The following RBFOX1 variants were observed in gnomAD, a reference collection of about 807,000 sequenced individuals.
RBFOX1 encodes the protein RNA binding fox-1 homolog 1.
RBFOX1 carries 8 observed loss-of-function variants against 57.7 expected under a neutral mutation model. The ratio of observed to expected loss-of-function variants is 0.14; its 90% CI spans 0.08 to 0.25. The LOEUF is 0.25. Ranked by LOEUF, RBFOX1 falls within the 10% of genes least tolerant of loss-of-function variation. The pLI, the probability that RBFOX1 is intolerant of heterozygous loss-of-function variation, is 1.00. For synonymous variants in RBFOX1, 326 were observed against 222.4 expected, an observed-to-expected ratio of 1.47 and a Z score of -4.15; for missense variants, 611 against 548.5, an observed-to-expected ratio of 1.11 and a Z score of -1.14.
chr16:7,664,545 T>G (rs926609483), intron 12 of RBFOX1, among the ~76,000 whole-genome samples: 8 of 152,200 alleles, frequency 5.3e-5, no homozygotes, highest in African/African-American at 1.9e-4. Flanking sequence ...GTTTTTATTC[T>G]GTGGGGTAGG....
At chr16:6,974,932 A>G (rs967492318) in intron 3 of RBFOX1, among the ~76,000 whole-genome samples, 1 of 152,076 alleles carries the variant, frequency 6.6e-6, no homozygotes, top group Non-Finnish European at 1.5e-5. Context: ...CCTCTTTTAA[A>G]ACACTTTTTT....
chr16:7,315,913 A>G (rs986417198), intron 4 of RBFOX1, among the ~76,000 whole-genome samples: 2 of 152,148 alleles, frequency 1.3e-5, no homozygotes, highest in Non-Finnish European at 2.9e-5. Flanking sequence ...TTACTAAACA[A>G]TCTATTTTTC....
rs1287419493 is a variant in RBFOX1, at chr16:7,710,818, G to A, written c.*73G>A. 14 of 1,254,126 alleles carry A rather than the reference G, an allele frequency of 1.1e-5. No individual in the cohort carries two copies. In the Admixed American group the frequency reaches 1.2e-4, roughly 11 times the overall value. 77.7% of individuals were successfully genotyped at this position (1,254,126 alleles called of 1,614,324 possible). On this transcript the variant is annotated 3_prime_UTR_variant, in exon 16 of 16. Transcript: ENST00000550418. The stretch of plus-strand genomic sequence containing the variant: ...CCGAGGCCTGAGTATTGCAATACAT[G>A]CAGTAGTACATCATTTTAGCAACTC...
At chr16:5,850,798 C>T (rs1310763619) in intron 3 of RBFOX1, among the ~76,000 whole-genome samples, 4 of 152,310 alleles carry the variant, frequency 2.6e-5, no homozygotes, top group African/African-American at 7.2e-5. Flanking sequence ...CTTGCCATCT[C>T]GAAAGGGCCC....
chr16:5,686,555 T>C lies in RBFOX1; in HGVS notation c.318+87594T>C, dbSNP rs74004493. 9.0e-4 allele frequency among the ~76,000 whole-genome samples: 137 copies of C among 152,238 alleles called. 1 individual carries two copies. Among genetic ancestry groups the C allele is most frequent in the African/African-American group, 3.1e-3 (130 of 41,538 alleles). On this transcript the variant is annotated intron_variant, in intron 3 of 19. Coordinates refer to the RBFOX1 transcript ENST00000641259. ...AGGGATTTCTACTTAATCGTGGGTC[T>C]TCTTTCTTGACTTCTGATTATTCAC...
chr16:7,448,498 C>G (rs1424500815), intron 4 of RBFOX1, among the ~76,000 whole-genome samples: 1 of 152,170 alleles, frequency 6.6e-6, no homozygotes, highest in Non-Finnish European at 1.5e-5. Flanking sequence ...CATCAGCTCT[C>G]ATAAGACTAA....
At chr16:6,422,035 C>A (rs111768931) in intron 2 of RBFOX1, among the ~76,000 whole-genome samples, 1,414 of 128,060 alleles carry the variant, frequency 0.011, 14 homozygotes, top group Middle Eastern at 0.015. Context: ...ATTCTCCTGC[C>A]TCAGCCTCCC....
At chr16:7,119,299 G>A (rs192991984) in intron 4 of RBFOX1, among the ~76,000 whole-genome samples, 10 of 152,056 alleles carry the variant, frequency 6.6e-5, no homozygotes, top group Admixed American at 1.3e-4. Context: ...ACTATCCTCA[G>A]GTTTCCCTAT....
chr16:6,630,259 C>T (rs2098367539), intron 2 of RBFOX1, among the ~76,000 whole-genome samples: 1 of 152,096 alleles, frequency 6.6e-6, no homozygotes, highest in African/African-American at 2.4e-5. Flanking sequence ...CTTCTCCTGC[C>T]TTTTTCTCTT....
intron 4 of RBFOX1, among the ~76,000 whole-genome samples, chr16:7,161,191 G>A (rs1364908714): frequency 1.3e-5 from 2 of 152,106 alleles, no homozygotes; most frequent in African/African-American, 2.4e-5. Context: ...ATCTGCAGCA[G>A]GACTATGTGG....
chr16:7,080,065 ATATACATATATACATATGTATATATG>A (rs2058949009), intron 4 of RBFOX1, among the ~76,000 whole-genome samples: 2 of 138,826 alleles, frequency 1.4e-5, no homozygotes, highest in African/African-American at 5.7e-5. Flanking sequence ...CATATTATAT[ATATACATATATACATATGTATATATG>A]TATATATATA....
intron 2 of RBFOX1, among the ~76,000 whole-genome samples, chr16:6,436,706 A>G (rs568904304): frequency 6.6e-6 from 1 of 152,210 alleles, no homozygotes; most frequent in South Asian, 2.1e-4. Flanking sequence ...ACATAAGGAA[A>G]GCCATGATAA....
At chr16:5,470,990 G>A (rs767477758) in intron 2 of RBFOX1, among the ~76,000 whole-genome samples, 5 of 152,064 alleles carry the variant, frequency 3.3e-5, no homozygotes, top group Admixed American at 6.5e-5. Flanking sequence ...TAGCTGGGAT[G>A]ACAGGTGCCT....
At chr16:6,448,752 G>A (rs1010074051) in intron 2 of RBFOX1, among the ~76,000 whole-genome samples, 3 of 152,120 alleles carry the variant, frequency 2.0e-5, no homozygotes, top group African/African-American at 7.2e-5. Flanking sequence ...TGCTTCAGTT[G>A]TATTCATCCT....
intron 4 of RBFOX1, among the ~76,000 whole-genome samples, chr16:7,504,015 C>G (rs1375034934): frequency 6.6e-6 from 1 of 152,096 alleles, no homozygotes; most frequent in Non-Finnish European, 1.5e-5. Flanking sequence ...CCAAGATCAC[C>G]TTCTACATTT....
At chr16:7,615,621 C>G (rs1023685256) in intron 10 of RBFOX1, among the ~76,000 whole-genome samples, 1 of 152,042 alleles carries the variant, frequency 6.6e-6, no homozygotes, top group African/African-American at 2.4e-5. Context: ...TTAGTTAACC[C>G]AAGTCCTAGA....
At position 7,710,885 on chromosome 16, in the gene RBFOX1, A is replaced by G. The variant is rs553062685; in HGVS notation, c.*140A>G. The G allele has an allele frequency of 9.3e-5, 84 of 901,212 alleles. No individual in the cohort carries two copies. In the African/African-American group the frequency reaches 1.4e-3, roughly 15 times the overall value. The allele number at this position is 901,212 out of a possible 1,614,324, so 55.8% of individuals were successfully genotyped here. A position where few individuals can be genotyped will look rare whatever the true frequency, so the allele number is the denominator to read the frequency against. The stretch of plus-strand genomic sequence containing the variant: ...ACAAATAAAAAGGAAAAAAAATTAC[A>G]TTTTTTATCTTATACCTCAGATATT... On this transcript the variant is annotated 3_prime_UTR_variant, in exon 16 of 16. Coordinates refer to ENST00000550418, the MANE Select transcript of RBFOX1 (RefSeq NM_018723.4).
chr16:6,487,158 G>GTGTC (rs1555498863), intron 2 of RBFOX1, among the ~76,000 whole-genome samples: 1 of 149,062 alleles, frequency 6.7e-6, no homozygotes, highest in African/African-American at 2.4e-5. Flanking sequence ...GTGTGTGTGT[G>GTGTC]TGTGTGTGTG....
At chr16:6,623,566 G>A (rs2098264661) in intron 2 of RBFOX1, among the ~76,000 whole-genome samples, 2 of 151,744 alleles carry the variant, frequency 1.3e-5, no homozygotes, top group African/African-American at 2.4e-5. Flanking sequence ...TTAACATTAG[G>A]TATATCTCCT....
Sources: allele counts gnomAD v4.1 joint callset (sites outside exome capture counted in the v4.1 genomes callset), GRCh38; gene constraint gnomAD v4.1.1; transcripts MANE v1.5; gene names NCBI Gene and HGNC (gene_info 2026-07-23, HGNC 2026-07-21).